DPP6: variants seen among roughly 807,000 people sequenced by gnomAD.
DPP6 encodes the protein A-type potassium channel modulatory protein DPP6.
A neutral mutation model predicts 122.6 loss-of-function variants in DPP6; 69 were observed. The observed-to-expected ratio is 0.56, with a 90% confidence interval of 0.46 to 0.69. DPP6 has a LOEUF of 0.69. Ranked by LOEUF, DPP6 falls within the 30% of genes least tolerant of loss-of-function variation. DPP6 has a pLI of 0.00. For missense variants in DPP6, 928 were observed against 1,116.9 expected (o/e 0.83, Z 2.41); for synonymous variants, 418 against 433.1 (o/e 0.97, Z 0.43).
intron 1 of DPP6, among the ~76,000 whole-genome samples, chr7:154,009,600 G>A (rs907404833): frequency 7.2e-5 from 11 of 151,998 alleles, no homozygotes; most frequent in Admixed American, 6.5e-4. Context: ...CTCCACTCTT[G>A]TGTCCCTGCC....
intron 7 of DPP6, among the ~76,000 whole-genome samples, chr7:154,688,480 C>A (rs1466786166): frequency 1.3e-5 from 2 of 151,980 alleles, no homozygotes; most frequent in Non-Finnish European, 2.9e-5. Context: ...TTTATGTCTG[C>A]TAGTGTATTA....
intron 1 of DPP6, among the ~76,000 whole-genome samples, chr7:154,275,721 G>A (rs1804085188): frequency 6.6e-6 from 1 of 152,234 alleles, no homozygotes; most frequent in Non-Finnish European, 1.5e-5. Flanking sequence ...CATACTCTGT[G>A]AGACGTTGTG....
intron 8 of DPP6, among the ~76,000 whole-genome samples, chr7:154,751,730 C>A (rs1338453405): frequency 1.8e-4 from 28 of 152,156 alleles, no homozygotes; most frequent in Admixed American, 1.8e-3. Flanking sequence ...TCGACGCGGG[C>A]CCATGTGCTT....
chr7:154,701,686 C>A (rs1284338690), intron 7 of DPP6, among the ~76,000 whole-genome samples: 1 of 152,198 alleles, frequency 6.6e-6, no homozygotes, highest in African/African-American at 2.4e-5. Context: ...CTATGGCTGC[C>A]ACCTGTGAAA....
intron 7 of DPP6, among the ~76,000 whole-genome samples, chr7:154,682,217 G>A (rs1839322717): frequency 6.6e-6 from 1 of 152,266 alleles, no homozygotes; most frequent in Non-Finnish European, 1.5e-5. Context: ...GGATTTTCGA[G>A]TCAGACATTT....
At chr7:154,112,995 C>G (rs1395353339) in intron 1 of DPP6, among the ~76,000 whole-genome samples, 1 of 152,150 alleles carries the variant, frequency 6.6e-6, no homozygotes, top group Non-Finnish European at 1.5e-5. Context: ...GTGGTTGGTT[C>G]ATTTCACTTA....
intron 21 of DPP6, chr7:154,884,401 T>G (rs1331761879): frequency 7.0e-6 from 1 of 143,730 alleles, no homozygotes; most frequent in Non-Finnish European, 1.5e-5. Flanking sequence ...ACACACATGC[T>G]CACACGATTA....
the DPP6 span, among the ~76,000 whole-genome samples, chr7:153,787,197 G>C: frequency 0.34 from 41,091 of 120,148 alleles, 8,432 homozygotes; most frequent in Non-Finnish European, 0.4. Flanking sequence ...TGATCCACCC[G>C]CCTCGGCCTC....
At chr7:154,587,285 T>A in intron 5 of DPP6, 1 of 295,118 alleles carries the variant, frequency 3.4e-6, no homozygotes, top group Non-Finnish European at 6.4e-6. Flanking sequence ...GTGGCTGCTC[T>A]CATCCTGACT....
chr7:154,824,534 C>T (rs1001978173), intron 16 of DPP6, among the ~76,000 whole-genome samples: 2 of 152,232 alleles, frequency 1.3e-5, no homozygotes, highest in African/African-American at 4.8e-5. Context: ...CTGCCTCAGC[C>T]TCCCAGAGTG....
At chr7:154,049,288 G>T (rs1380508369), upstream of DPP6, among the ~76,000 whole-genome samples, 1 of 112,952 alleles carries the variant, frequency 8.9e-6, no homozygotes, top group African/African-American at 3.8e-5. Context: ...CCTCTTCGGG[G>T]TATCTTTTTC....
intron 5 of DPP6, among the ~76,000 whole-genome samples, chr7:154,625,451 A>G (rs557888670): frequency 4.7e-4 from 72 of 152,300 alleles, no homozygotes; most frequent in African/African-American, 1.7e-3. Flanking sequence ...CCTACATGCA[A>G]GCATAGAGAT....
At chr7:154,337,248 C>T (rs7806382) in intron 1 of DPP6, among the ~76,000 whole-genome samples, 1 of 152,150 alleles carries the variant, frequency 6.6e-6, no homozygotes, top group Non-Finnish European at 1.5e-5. Flanking sequence ...CCAAATGGAA[C>T]CCTCGTTTGT....
At chr7:154,763,152 T>C (rs1238966181) in intron 8 of DPP6, among the ~76,000 whole-genome samples, 1 of 152,096 alleles carries the variant, frequency 6.6e-6, no homozygotes, top group Non-Finnish European at 1.5e-5. Flanking sequence ...GCCAACATGG[T>C]GAAACCCCGT....
intron 1 of DPP6, among the ~76,000 whole-genome samples, chr7:154,328,782 G>A (rs1056230565): frequency 1.1e-4 from 17 of 152,106 alleles, no homozygotes; most frequent in East Asian, 1.9e-4. Flanking sequence ...CATTAACCCC[G>A]TTGCCCTGGA....
At chr7:154,608,066 G>A (rs188240859) in intron 5 of DPP6, among the ~76,000 whole-genome samples, 8 of 136,038 alleles carry the variant, frequency 5.9e-5, no homozygotes, top group African/African-American at 2.1e-4. Context: ...TGCAAGCTCC[G>A]CCTCCCAGGT....
chr7:154,326,014 C>A (rs954270285), intron 1 of DPP6, among the ~76,000 whole-genome samples: 3 of 152,166 alleles, frequency 2.0e-5, no homozygotes, highest in Non-Finnish European at 4.4e-5. Context: ...ATAAAGCCTG[C>A]ATGAAGCCTG....
intron 1 of DPP6, among the ~76,000 whole-genome samples, chr7:154,091,456 GAA>G (rs1476887112): frequency 6.6e-6 from 1 of 152,162 alleles, no homozygotes; most frequent in Non-Finnish European, 1.5e-5. Context: ...CCTGGCAGAA[GAA>G]AAGTTTCTAT....
chr7:154,145,276 C>G (rs1368369999), intron 1 of DPP6, among the ~76,000 whole-genome samples: 1 of 152,142 alleles, frequency 6.6e-6, no homozygotes, highest in Non-Finnish European at 1.5e-5. Context: ...GGAAAGCAGA[C>G]CTCCTTGTCA....
Sources: gnomAD v4.1 joint callset for allele counts (sites outside exome capture counted in the v4.1 genomes callset) on GRCh38, gnomAD v4.1.1 for gene constraint, MANE v1.5 for transcripts, NCBI Gene and HGNC (gene_info 2026-07-23, HGNC 2026-07-21) for gene names.